Variants in FOXO1 observed in about 807,000 individuals in gnomAD.
The protein encoded by FOXO1 is forkhead box O1.
FOXO1 carries 6 observed loss-of-function variants against 44.1 expected under a neutral mutation model. The ratio of observed to expected loss-of-function variants is 0.14; its 90% confidence interval spans 0.07 to 0.27. FOXO1 has a LOEUF of 0.27. FOXO1 is among the 10% of genes least tolerant of loss of function. The probability of loss-of-function intolerance (pLI) is 1.00; values close to 1 mark genes in which losing one functional copy is unlikely to be tolerated. For synonymous variants in FOXO1, 380 were observed against 362.7 expected, an observed-to-expected ratio of 1.05 and a Z score of -0.54; for missense variants, 737 against 888.8, an observed-to-expected ratio of 0.83 and a Z score of 2.17.
At chr13:40,608,642 T>C (rs139493957) in intron 1 of FOXO1, among the ~76,000 whole-genome samples, 10 of 152,360 alleles carry the variant, frequency 6.6e-5, no homozygotes, top group African/African-American at 2.4e-4. Flanking sequence ...TTATTCTTTT[T>C]CTATTTTACA....
At chr13:40,605,807 G>T (rs1263027741) in intron 1 of FOXO1, among the ~76,000 whole-genome samples, 1 of 151,998 alleles carries the variant, frequency 6.6e-6, no homozygotes, top group Admixed American at 6.6e-5. Flanking sequence ...TTGGAGGTGT[G>T]GAAAACTAGT....
chr13:40,580,686 T>C (rs147975402), intron 1 of FOXO1, among the ~76,000 whole-genome samples: 7 of 152,278 alleles, frequency 4.6e-5, no homozygotes, highest in Admixed American at 6.5e-5. Flanking sequence ...GTCACCTCCC[T>C]GCACACATTC....
chr13:40,583,175 T>C (rs937310271), intron 1 of FOXO1, among the ~76,000 whole-genome samples: 9 of 152,202 alleles, frequency 5.9e-5, no homozygotes, highest in Admixed American at 4.6e-4. Flanking sequence ...TCCTGAGCAG[T>C]AGGTCTCAAC....
chr13:40,658,646 A>T (rs1877934742), intron 1 of FOXO1, among the ~76,000 whole-genome samples: 2 of 152,236 alleles, frequency 1.3e-5, no homozygotes, highest in Admixed American at 1.3e-4. Flanking sequence ...CAACTGGAGA[A>T]GCCAGATGGC....
chr13:40,564,372 A>G (rs547098312), intron 1 of FOXO1, among the ~76,000 whole-genome samples: 7 of 152,274 alleles, frequency 4.6e-5, no homozygotes, highest in Non-Finnish European at 8.8e-5. Flanking sequence ...CTCTTTGAGT[A>G]ACAGAGCTGT....
At chr13:40,590,510 G>T (rs557314197) in intron 1 of FOXO1, among the ~76,000 whole-genome samples, 13 of 152,294 alleles carry the variant, frequency 8.5e-5, no homozygotes, top group South Asian at 8.3e-4. Flanking sequence ...AGTGGAACAA[G>T]AACTAAAATA....
rs1878238423 is a variant in FOXO1 at position 40,666,111 on chromosome 13, C to T, written c.102G>A (p.Gln34=). Residue 34 remains glutamine (Q), a synonymous_variant, in exon 1 of 3, where the codon CAG becomes CAA. Coordinates refer to ENST00000379561, the MANE Select transcript of FOXO1 (RefSeq NM_002015.4). The part of the protein sequence containing the change: ...TWPLPRPEFS[Q]SNSATSSPAP... Reference sequence around the variant, plus strand: ...CCGGGCTGGAGGTGGCCGAGTTGGACTGGCTAAACTCCGGCCTGGGCAGCG... The same window carrying T: ...CCGGGCTGGAGGTGGCCGAGTTGGATTGGCTAAACTCCGGCCTGGGCAGCG... 2 of 1,420,478 alleles carry T rather than the reference C, an allele frequency of 1.4e-6. No homozygotes were observed. The highest frequency in any genetic ancestry group is 2.8e-5 in the Admixed American group (1 of 35,362). The allele number at this position is 1,420,478 out of a possible 1,614,324, so 88.0% of individuals were successfully genotyped here.
In FOXO1 at chr13:40,666,153, C is replaced by T. The variant is rs779249455; in HGVS notation, c.60G>A (p.Pro20=). The change falls in exon 1 of 3, where the codon CCG becomes CCA. Residue 20 remains proline (P), a synonymous_variant. Transcript: ENST00000379561. ...IDPDFEPLPR[P]RSCTWPLPRP... is the part of the protein sequence containing the mutation. ...TGGGCAGCGGCCAGGTGCACGAGCG[C>T]GGCCGGGGCAGCGGCTCGAAGTCCG... 9 of 1,462,476 alleles carry T rather than the reference C, an allele frequency of 6.2e-6. No homozygotes were observed. The South Asian group carries it at 1.2e-4, about 19-fold the overall frequency. 90.6% of individuals were successfully genotyped at this position (1,462,476 alleles called of 1,614,324 possible).
chr13:40,607,056 A>G (rs1291759334), intron 1 of FOXO1, among the ~76,000 whole-genome samples: 2 of 152,168 alleles, frequency 1.3e-5, no homozygotes, highest in African/African-American at 4.8e-5. Flanking sequence ...AAAGCTCTCT[A>G]TAAGCCCGCA....
At position 40,555,748 on chromosome 13, in the gene FOXO1, G is replaced by A. The variant is rs906584959; in HGVS notation, c.*3301C>T. The A allele has an allele frequency of 6.6e-6, 1 of 152,614 alleles. No individual in the cohort carries two copies. 9.5% of individuals were successfully genotyped at this position (152,614 alleles called of 1,614,324 possible). ...GAGCTTATTCTGCATAATTAGAAAA[G>A]AAAGACACCAAGCCATTTAAACATA... is the stretch of plus-strand genomic sequence containing the variant. On this transcript the variant is annotated 3_prime_UTR_variant, in exon 3 of 3. Coordinates refer to ENST00000379561, the MANE Select transcript of FOXO1 (RefSeq NM_002015.4).
intron 1 of FOXO1, among the ~76,000 whole-genome samples, chr13:40,609,583 G>A (rs1418392901): frequency 6.6e-6 from 1 of 152,126 alleles, no homozygotes; most frequent in Non-Finnish European, 1.5e-5. Context: ...AATTAGGATT[G>A]ACTATAAAAA....
chr13:40,590,088 T>A (rs1666655928), intron 1 of FOXO1, among the ~76,000 whole-genome samples: 1 of 152,162 alleles, frequency 6.6e-6, no homozygotes, highest in African/African-American at 2.4e-5. Context: ...CTCCTCCCAA[T>A]AACAGCAGTA....
intron 1 of FOXO1, among the ~76,000 whole-genome samples, chr13:40,568,292 T>A (rs567614638): frequency 6.6e-6 from 1 of 152,328 alleles, no homozygotes; most frequent in South Asian, 2.1e-4. Flanking sequence ...AACTACATTT[T>A]CCCAAAGCAT....
At chr13:40,562,067 A>G (rs1174564116) in intron 1 of FOXO1, among the ~76,000 whole-genome samples, 1 of 152,228 alleles carries the variant, frequency 6.6e-6, no homozygotes, top group African/African-American at 2.4e-5. Flanking sequence ...AAGTGAATGT[A>G]AGGAAAACAG....
At chr13:40,589,778 G>A (rs190559365) in intron 1 of FOXO1, among the ~76,000 whole-genome samples, 6 of 152,316 alleles carry the variant, frequency 3.9e-5, no homozygotes, top group Middle Eastern at 3.4e-3. Flanking sequence ...CAGTTTTCAG[G>A]AGTCCCATTG....
chr13:40,637,616 C>A (rs1877206172), intron 1 of FOXO1, among the ~76,000 whole-genome samples: 1 of 152,090 alleles, frequency 6.6e-6, no homozygotes, highest in South Asian at 2.1e-4. Flanking sequence ...ATAATAGCTA[C>A]CATTTATAAA....
chr13:40,642,172 C>T (rs1877373470), intron 1 of FOXO1, among the ~76,000 whole-genome samples: 1 of 152,144 alleles, frequency 6.6e-6, no homozygotes, highest in South Asian at 2.1e-4. Flanking sequence ...CCACAGTAAG[C>T]ACACAATAAA....
At chr13:40,567,853 A>C (rs776391737) in intron 1 of FOXO1, among the ~76,000 whole-genome samples, 2 of 152,100 alleles carry the variant, frequency 1.3e-5, no homozygotes, top group Non-Finnish European at 2.9e-5. Flanking sequence ...CTGTAGTCCC[A>C]GGTACTCGGG....
intron 1 of FOXO1, among the ~76,000 whole-genome samples, chr13:40,617,835 T>C (rs1876479117): frequency 6.6e-6 from 1 of 152,364 alleles, no homozygotes; most frequent in South Asian, 2.1e-4. Context: ...GTTCTGTACA[T>C]TGTTTGTAAT....
Sources: gnomAD v4.1 joint callset for allele counts (sites outside exome capture counted in the v4.1 genomes callset) on GRCh38, gnomAD v4.1.1 for gene constraint, MANE v1.5 for transcripts, NCBI Gene and HGNC (gene_info 2026-07-23, HGNC 2026-07-21) for gene names.